Variants in DNAH5 observed in about 807,000 individuals in gnomAD.
The protein encoded by DNAH5 is axonemal beta dynein heavy chain 5.
A neutral mutation model predicts 518.2 loss-of-function variants in DNAH5; 372 were observed. The observed-to-expected ratio is 0.72, with a 90% CI of 0.66 to 0.78. The LOEUF (loss-of-function observed/expected upper bound fraction) is 0.78, where lower values mean the gene tolerates loss of function less well. Among genes scored for constraint, DNAH5 ranks in the 30% least tolerant of loss-of-function variants. The pLI is 0.00. For synonymous variants in DNAH5, 2,039 were observed against 2,025.9 expected (o/e 1.01, Z -0.17); for missense variants, 5,523 against 5,687.0 (o/e 0.97, Z 0.93).
chr5:13,796,745 A>C (rs1183692725), intron 47 of DNAH5, among the ~76,000 whole-genome samples: 4 of 152,066 alleles, frequency 2.6e-5, no homozygotes, highest in African/African-American at 9.7e-5. Flanking sequence ...ATTGCCAAGA[A>C]AATCCTAAGC....
At chr5:13,800,506 T>C (rs959580349) in intron 47 of DNAH5, among the ~76,000 whole-genome samples, 10 of 152,182 alleles carry the variant, frequency 6.6e-5, no homozygotes, top group African/African-American at 2.4e-4. Context: ...AGTTTTTCTA[T>C]TATAATTTCA....
Position 13,911,437 on chromosome 5 carries a change from C to G in DNAH5, c.1593G>C (p.Met531Ile). 3 of 1,614,022 alleles carry G rather than the reference C, an allele frequency of 1.9e-6. No individual in the cohort carries two copies. Among genetic ancestry groups the G allele is most frequent in the Non-Finnish European group, 2.5e-6 (3 of 1,179,986 alleles). Residue 531 changes from methionine to isoleucine, a missense_variant, in exon 12 of 79, where the codon ATG (methionine) becomes ATC (isoleucine). By Grantham distance (10) the Met-to-Ile change is conservative. Around this residue, in one of 3 missense-constraint regions of DNAH5, gnomAD observed 5,121 missense variants for 5,223.3 expected, o/e 0.98. Transcript: ENST00000265104. ...KEYNFLDQRK[M>I]DFDQDYEEFC... ...ACTCTTCGTAATCTTGGTCAAAATC[C>G]ATTTTCCGCTGGTCTAGGAAATTGT...
intron 28 of DNAH5, among the ~76,000 whole-genome samples, chr5:13,864,175 AT>A (rs1366863988): frequency 1.3e-5 from 2 of 152,214 alleles, no homozygotes; most frequent in Non-Finnish European, 2.9e-5. Context: ...TTGTAAAATT[AT>A]TTAATAATCT....
chr5:13,897,797 C>T (rs552839037), intron 15 of DNAH5: 1 of 152,358 alleles, frequency 6.6e-6, no homozygotes, highest in African/African-American at 2.4e-5. Flanking sequence ...CTTTGATCCT[C>T]TTCCCTTCAT....
chr5:13,736,321 G>A (rs564029310), intron 66 of DNAH5, among the ~76,000 whole-genome samples: 365 of 152,232 alleles, frequency 2.4e-3, no homozygotes, highest in African/African-American at 8.4e-3. Flanking sequence ...GCCTAACCTG[G>A]GCTTCAAGTC....
rs138034431 is a variant in DNAH5, at chr5:13,919,180, A to G, written c.971T>C (p.Leu324Pro). The G allele has an allele frequency of 1.1e-4, 172 of 1,613,876 alleles. No individual in the cohort carries two copies. The highest frequency in any genetic ancestry group is 1.6e-4 in the Middle Eastern group (1 of 6,076). ...CAAAATGAAATGGCTGACGACCTTC[A>G]GCAGTTTCGACTTGGCCGCCGCAAG... ...AVLAAAKSKL[L>P]KTWREMDIRI... is the part of the protein sequence containing the mutation. The change falls in exon 7 of 79, where the codon CTG (leucine) becomes CCG (proline). Residue 324 changes from leucine to proline, a missense_variant. By Grantham distance (98) the Leu-to-Pro change is moderately conservative (BLOSUM62 -3). Transcript: ENST00000265104.
At position 13,919,403 on chromosome 5, in the gene DNAH5, T is replaced by C. The variant is rs576246423; in HGVS notation, c.799-51A>G. 680 of 1,598,892 alleles carry C rather than the reference T, an allele frequency of 4.3e-4. 7 individuals are homozygous for C. In the South Asian group the frequency reaches 6.0e-3, roughly 14 times the overall value. On this transcript the variant is annotated intron_variant, in intron 6 of 78. Coordinates refer to ENST00000265104, the MANE Select transcript of DNAH5 (RefSeq NM_001369.3). ...AGCCATTGCACGGGGCTGGAGACGC[T>C]AAAGTTATAAACAAGCAAAAAACAA...
rs572876763 is a variant in DNAH5 at position 13,966,734 on chromosome 5, G to A, written c.13-35490C>T. ...TTGATTTTTTCTTGCCGATTTGTTC[G>A]AGTTCCTTGTAGATTCTGGATATTA... On this transcript the variant is annotated intron_variant, in intron 1 of 78. Coordinates refer to the DNAH5 transcript ENST00000681290. Among the ~76,000 whole-genome samples, 137 of 152,210 alleles carry A rather than the reference G, an allele frequency of 9.0e-4. 1 individual carries two copies. Among genetic ancestry groups the A allele is most frequent in the Admixed American group, 2.5e-3 (38 of 15,270 alleles).
chr5:13,798,426 A>T (rs1282926572), intron 47 of DNAH5, among the ~76,000 whole-genome samples: 3 of 152,180 alleles, frequency 2.0e-5, no homozygotes, highest in African/African-American at 7.2e-5. Flanking sequence ...CAGAAGCTTC[A>T]AAACTCAAAA....
intron 30 of DNAH5, among the ~76,000 whole-genome samples, chr5:13,853,060 G>C (rs565958013): frequency 1.3e-5 from 2 of 152,308 alleles, no homozygotes; most frequent in African/African-American, 2.4e-5. Flanking sequence ...CCCTGACCCC[G>C]TGCTTCCTGA....
chr5:13,949,499 T>C (rs1040723431), upstream of DNAH5, among the ~76,000 whole-genome samples: 3 of 152,212 alleles, frequency 2.0e-5, no homozygotes, highest in Non-Finnish European at 4.4e-5. Flanking sequence ...ATTGAAATTA[T>C]ACAGGGTAAT....
chr5:13,766,120 G>A lies in DNAH5; in HGVS notation c.9957C>T (p.Ile3319=), dbSNP rs766420895. ...VRTLGRPPHL[I]MRIMDCVLLL... is the part of the protein sequence containing the mutation. ...GCAGTACGCAATCCATGATCCGCATGATGAGGTGAGGGGGGCGGCCCAACG... is the reference window on the plus strand; with the variant it reads ...GCAGTACGCAATCCATGATCCGCATAATGAGGTGAGGGGGGCGGCCCAACG... The change falls in exon 59 of 79, where the codon ATC becomes ATT. Residue 3319 remains isoleucine (I), a synonymous_variant. Coordinates refer to ENST00000265104, the MANE Select transcript of DNAH5 (RefSeq NM_001369.3). 12 of 1,614,226 alleles carry A rather than the reference G, an allele frequency of 7.4e-6. No individual in the cohort carries two copies. Among genetic ancestry groups the A allele is most frequent in the African/African-American group, 1.3e-5 (1 of 75,054 alleles).
Position 13,717,325 on chromosome 5 carries a change from T to A in DNAH5, c.12695A>T (p.Asp4232Val). The change falls in exon 73 of 79, where the codon GAT becomes GTT. Residue 4232 changes from aspartate to valine, a missense_variant. Transcript: ENST00000265104. ...QFIQNHLDDM[D>V]VKKGVSWTTI... ...CATGCGCGGCAGTACCTTTTTGACA[T>A]CCATGTCATCCAAGTGGTTTTGGAT... 6.2e-7 allele frequency: 1 copy of A among 1,613,752 alleles called. No individual in the cohort carries two copies. The highest frequency in any genetic ancestry group is 8.5e-7 in the Non-Finnish European group (1 of 1,179,912).
At chr5:13,933,337 T>A (rs1560963478) in intron 1 of DNAH5, among the ~76,000 whole-genome samples, 1 of 152,196 alleles carries the variant, frequency 6.6e-6, no homozygotes, top group African/African-American at 2.4e-5. Flanking sequence ...GTGCATTCAA[T>A]AAATATTTGT....
Position 13,792,023 on chromosome 5 carries a change from T to G in DNAH5, c.8419A>C (p.Thr2807Pro), listed in dbSNP as rs1320940768. ...LSRVWQGMLN[T>P]TSEVIKEPND... ...GGTTCCTTGATGACCTCTGAAGTAG[T>G]GTTCAGCATTCCCTGCCAGACCCGA... Residue 2807 changes from threonine to proline, a missense_variant, in exon 50 of 79, where the codon ACT becomes CCT. Physicochemically the swap from Thr to Pro is conservative, Grantham distance 38. Transcript: ENST00000265104. 6 of 1,614,048 alleles carry G rather than the reference T, an allele frequency of 3.7e-6. No homozygotes were observed. The highest frequency in any genetic ancestry group is 5.1e-6 in the Non-Finnish European group (6 of 1,179,964).
rs750170721 is a variant in DNAH5, at chr5:13,718,944, G to A, written c.12437C>T (p.Ser4146Phe). 3.1e-6 allele frequency: 5 copies of A among 1,613,984 alleles called. No individual in the cohort carries two copies. The highest frequency in any genetic ancestry group is 4.2e-6 in the Non-Finnish European group (5 of 1,180,016). Residue 4146 changes from serine (S) to phenylalanine (F), a missense_variant, in exon 72 of 79, where the codon TCC becomes TTC. This residue lies in a region of DNAH5 where 5,121 missense variants were observed against 5,223.3 expected (regional missense o/e 0.98). Transcript: ENST00000265104. ...TGGAGGATCGTTGGCAAATTTAATG[G>A]ACATCTGAAGGAGTGTAATGGGAAA... The part of the protein sequence containing the change: ...KQFPITLLQM[S>F]IKFANDPPQG...
chr5:13,775,136 T>TG (rs1753895549), intron 55 of DNAH5, among the ~76,000 whole-genome samples: 1 of 151,346 alleles, frequency 6.6e-6, no homozygotes, highest in Non-Finnish European at 1.5e-5. Flanking sequence ...CCTTTTTGTT[T>TG]TTTTTTTTTT....
intron 74 of DNAH5, 54 bp downstream of exon 74, chr5:13,716,433 A>T (rs1333069347): frequency 3.0e-6 from 4 of 1,330,326 alleles, no homozygotes; most frequent in East Asian, 2.3e-5. Context: ...AATACCCAAA[A>T]CTCAAGTGGC....
At chr5:13,864,747 C>G in intron 27 of DNAH5, 110 bp from the exon 28 acceptor site, 2 of 1,217,898 alleles carry the variant, frequency 1.6e-6, no homozygotes, top group Non-Finnish European at 2.4e-6. Context: ...GAATACTTAT[C>G]CTATTTTAAA....
Sources: gnomAD v4.1 joint callset for allele counts (sites outside exome capture counted in the v4.1 genomes callset) on GRCh38, gnomAD v4.1.1 for gene constraint, gnomAD v4.1.1 regional missense constraint, MANE v1.5 for transcripts, NCBI Gene and HGNC (gene_info 2026-07-23, HGNC 2026-07-21) for gene names.